The following AKAP13 variants were observed in gnomAD, a reference collection of about 807,000 sequenced individuals.
AKAP13 encodes the protein A-kinase anchoring protein 13, also known as A-kinase anchor protein 13.
In AKAP13, 80 loss-of-function variants were observed where a neutral mutation model predicts 264.5. That is an observed-to-expected ratio of 0.30 (90% CI 0.25 to 0.36). The LOEUF is 0.36. AKAP13 is among the 10% of genes least tolerant of loss of function. AKAP13 has a pLI of 1.00. For synonymous variants in AKAP13, 1,380 were observed against 1,250.2 expected, an observed-to-expected ratio of 1.10 and a Z score of -2.19; for missense variants, 3,712 against 3,435.2, an observed-to-expected ratio of 1.08 and a Z score of -2.01.
chr15:85,680,653 C>T (rs1434929960), intron 14 of AKAP13, among the ~76,000 whole-genome samples: 1 of 152,010 alleles, frequency 6.6e-6, no homozygotes, highest in Non-Finnish European at 1.5e-5. Context: ...TTGCCTGAGC[C>T]CAGGGGTTCA....
At chr15:85,625,809 G>A (rs1077219) in intron 8 of AKAP13, among the ~76,000 whole-genome samples, 12,450 of 152,046 alleles carry the variant, frequency 0.082, 812 homozygotes, top group East Asian at 0.35. Context: ...ATAGTGTGGC[G>A]TTTAAGTTGC....
At chr15:85,638,959 A>G (rs1353730095) in intron 8 of AKAP13, among the ~76,000 whole-genome samples, 1 of 152,144 alleles carries the variant, frequency 6.6e-6, no homozygotes, top group Admixed American at 6.5e-5. Context: ...GGGTTTTGCC[A>G]CATTTGCCAG....
intron 8 of AKAP13, among the ~76,000 whole-genome samples, chr15:85,616,135 C>T (rs2080926238): frequency 1.3e-5 from 2 of 152,128 alleles, no homozygotes; most frequent in Non-Finnish European, 2.9e-5. Context: ...CCCCTATCCC[C>T]ACACCCCCAC....
At chr15:85,687,552 C>T (rs567431982) in intron 16 of AKAP13, among the ~76,000 whole-genome samples, 2 of 152,054 alleles carry the variant, frequency 1.3e-5, no homozygotes, top group African/African-American at 2.4e-5. Context: ...CTCTTGGGGT[C>T]GTGCTGTCTT....
chr15:85,689,099 G>T (rs1027397650), intron 16 of AKAP13, among the ~76,000 whole-genome samples: 9 of 152,154 alleles, frequency 5.9e-5, no homozygotes, highest in Non-Finnish European at 1.2e-4. Flanking sequence ...ACAAGAGGTG[G>T]TTAGAAATGT....
chr15:85,577,197 C>T (rs2079043048), intron 6 of AKAP13, among the ~76,000 whole-genome samples: 1 of 152,122 alleles, frequency 6.6e-6, no homozygotes, highest in Non-Finnish European at 1.5e-5. Flanking sequence ...TTACAATAGG[C>T]TCAGTAGGTA....
At chr15:85,707,209 T>C (rs955576859) in intron 17 of AKAP13, among the ~76,000 whole-genome samples, 5 of 152,208 alleles carry the variant, frequency 3.3e-5, no homozygotes, top group African/African-American at 1.2e-4. Flanking sequence ...AGTTCTGTTA[T>C]GTGACTTTAT....
At chr15:85,392,251 A>ATTTT (rs57208601) in intron 1 of AKAP13, among the ~76,000 whole-genome samples, 1,510 of 106,306 alleles carry the variant, frequency 0.014, 77 homozygotes, top group Non-Finnish European at 0.022. Context: ...GCCCTTAATA[A>ATTTT]TTTTTTTTTT....
At chr15:85,686,717 C>T (rs1046118901) in intron 16 of AKAP13, among the ~76,000 whole-genome samples, 6 of 152,060 alleles carry the variant, frequency 3.9e-5, no homozygotes, top group African/African-American at 9.7e-5. Flanking sequence ...TTACCACTGC[C>T]GGCTTGGATA....
At chr15:85,451,287 C>T (rs995921146) in intron 1 of AKAP13, among the ~76,000 whole-genome samples, 27 of 152,164 alleles carry the variant, frequency 1.8e-4, no homozygotes, top group African/African-American at 6.0e-4. Context: ...AGATGGGTCT[C>T]TTGAAGACAG....
chr15:85,552,894 A>G lies in AKAP13; in HGVS notation c.662+8939A>G, dbSNP rs1007960464. Among the ~76,000 whole-genome samples, 9 of 152,226 alleles carry G rather than the reference A, an allele frequency of 5.9e-5. No individual in the cohort carries two copies. In the East Asian group the frequency reaches 1.3e-3, roughly 23 times the overall value. ...TTTCTTACAAAATTTGGAGATGGCA[A>G]TGTTGACATTCTGCTCTTAATTTTA... is the stretch of plus-strand genomic sequence containing the variant. On this transcript the variant is annotated intron_variant, in intron 5 of 36. Transcript: ENST00000394518.
chr15:85,442,437 T>TAA (rs1567059393), intron 1 of AKAP13, among the ~76,000 whole-genome samples: 21 of 123,016 alleles, frequency 1.7e-4, no homozygotes, highest in Middle Eastern at 3.8e-3. Context: ...TATATATATA[T>TAA]AATATAAAAT....
chr15:85,598,792 C>T (rs2079930609), intron 8 of AKAP13, among the ~76,000 whole-genome samples: 1 of 152,246 alleles, frequency 6.6e-6, no homozygotes, highest in South Asian at 2.1e-4. Context: ...ACCACTGTCC[C>T]TTCTACTGTT....
chr15:85,502,452 G>A (rs1008303763), intron 2 of AKAP13, among the ~76,000 whole-genome samples: 13 of 152,184 alleles, frequency 8.5e-5, no homozygotes, highest in Non-Finnish European at 1.5e-4. Flanking sequence ...ATCTTAATAC[G>A]TATCAGTTGC....
intron 5 of AKAP13, among the ~76,000 whole-genome samples, chr15:85,566,223 A>G (rs1198147513): frequency 6.6e-6 from 1 of 152,242 alleles, no homozygotes; most frequent in Non-Finnish European, 1.5e-5. Flanking sequence ...CCATTTTATC[A>G]TAATTTAATT....
chr15:85,576,620 A>T (rs1486977561), intron 6 of AKAP13, among the ~76,000 whole-genome samples: 1 of 152,202 alleles, frequency 6.6e-6, no homozygotes, highest in Non-Finnish European at 1.5e-5. Flanking sequence ...AATTTCATTT[A>T]AGGTCAGCTC....
chr15:85,677,760 G>A (rs948419761), intron 14 of AKAP13, among the ~76,000 whole-genome samples: 5 of 150,864 alleles, frequency 3.3e-5, no homozygotes, highest in African/African-American at 9.7e-5. Context: ...TCAGCCTCCC[G>A]GGTAGCCTCC....
intron 1 of AKAP13, among the ~76,000 whole-genome samples, chr15:85,450,915 A>T (rs886509826): frequency 6.6e-6 from 1 of 151,996 alleles, no homozygotes; most frequent in Non-Finnish European, 1.5e-5. Flanking sequence ...ATCTTTGTTT[A>T]TTTTCTGGCT....
At chr15:85,499,540 C>G (rs1036801780) in intron 2 of AKAP13, among the ~76,000 whole-genome samples, 16 of 152,154 alleles carry the variant, frequency 1.1e-4, no homozygotes, top group East Asian at 3.8e-4. Context: ...AGCCATGGAT[C>G]CCGTGCTGAG....
Sources: allele counts gnomAD v4.1 joint callset (sites outside exome capture counted in the v4.1 genomes callset), GRCh38; gene constraint gnomAD v4.1.1; transcripts MANE v1.5; gene names NCBI Gene and HGNC (gene_info 2026-07-23, HGNC 2026-07-21).